LAMA1: variants seen among roughly 807,000 people sequenced by gnomAD.
LAMA1 encodes the protein laminin subunit alpha-1.
LAMA1 carries 219 observed loss-of-function variants against 348.7 expected under a neutral mutation model. The observed-to-expected ratio is 0.63, with a 90% CI of 0.56 to 0.70. LAMA1 has a LOEUF of 0.70. Ranked by LOEUF, LAMA1 falls within the 30% of genes least tolerant of loss-of-function variation. The pLI is 0.00. For synonymous variants in LAMA1, 1,487 were observed against 1,491.0 expected, an observed-to-expected ratio of 1.00 and a Z score of 0.06; for missense variants, 3,744 against 3,888.0, an observed-to-expected ratio of 0.96 and a Z score of 0.99.
chr18:7,090,400 G>A (rs2058234956), intron 1 of LAMA1, among the ~76,000 whole-genome samples: 1 of 152,050 alleles, frequency 6.6e-6, no homozygotes, highest in South Asian at 2.1e-4. Flanking sequence ...TAACACCTGG[G>A]AGTATTTTTT....
In LAMA1 at chr18:6,979,823, C is replaced by CA. The variant is rs373410337; in HGVS notation, c.6007+697_6007+698insT. 3.8e-3 allele frequency among the ~76,000 whole-genome samples: 585 copies of CA among 152,078 alleles called. 3 individuals carry two copies. Among genetic ancestry groups the CA allele is most frequent in the African/African-American group, 0.014 (566 of 41,460 alleles). On this transcript the variant is annotated intron_variant, in intron 42 of 62. Coordinates refer to ENST00000389658, the MANE Select transcript of LAMA1 (RefSeq NM_005559.4). ...CTGAGGCAGGAGAATGGTGTGAACCCGGGGGGCGGAGCTTGCAGTGAGCCA... is the reference window on the plus strand; with the variant it reads ...CTGAGGCAGGAGAATGGTGTGAACCCAGGGGGGCGGAGCTTGCAGTGAGCCA...
rs757619442 is a variant in LAMA1, at chr18:7,011,280, C to T, written c.3687+20G>A. 40 of 1,608,706 alleles carry T rather than the reference C, an allele frequency of 2.5e-5. No individual in the cohort carries two copies. Among genetic ancestry groups the T allele is most frequent in the Non-Finnish European group, 3.1e-5 (36 of 1,178,570 alleles). ...ATCCTAGGAAGCACCGACTGGCTCT[C>T]GGCTGGGCGTGCACCTCACCTGGTC... On this transcript the variant is annotated intron_variant, in intron 25 of 62. Coordinates refer to ENST00000389658, the MANE Select transcript of LAMA1 (RefSeq NM_005559.4).
rs545607128 is a variant in LAMA1 at position 7,012,006 on chromosome 18, C to G, written c.3496G>C (p.Val1166Leu). The G allele has an allele frequency of 6.2e-7, 1 of 1,606,652 alleles. No homozygotes were observed. Among genetic ancestry groups the G allele is most frequent in the East Asian group, 2.2e-5 (1 of 44,778 alleles). ...TGTGTGTGACTTACTGGGGTCCTCA[C>G]GTAGTCCTCCAGCTCTGAGCAGAGG... is the stretch of plus-strand genomic sequence containing the variant. ...SHLCSELEDY[V>L]RTPVTLGSDQ... Residue 1166 changes from valine to leucine, a missense_variant, in exon 24 of 63, where the codon GTG becomes CTG. Val to Leu is a conservative substitution (Grantham distance 32). Coordinates refer to ENST00000389658, the MANE Select transcript of LAMA1 (RefSeq NM_005559.4).
intron 16 of LAMA1, among the ~76,000 whole-genome samples, chr18:7,027,930 G>A (rs1315269333): frequency 6.6e-6 from 1 of 152,126 alleles, no homozygotes; most frequent in East Asian, 1.9e-4. Context: ...GCAACAGAGA[G>A]AGACTCCATC....
intron 1 of LAMA1, among the ~76,000 whole-genome samples, chr18:7,088,234 C>A (rs779069406): frequency 6.6e-6 from 1 of 152,172 alleles, no homozygotes; most frequent in African/African-American, 2.4e-5. Context: ...TTCCTCCCTT[C>A]GTCTCCTCCG....
chr18:7,034,950 C>A (rs1022782474), intron 13 of LAMA1, among the ~76,000 whole-genome samples: 1 of 152,204 alleles, frequency 6.6e-6, no homozygotes, highest in African/African-American at 2.4e-5. Context: ...GAAAGTCGTG[C>A]AGTTGCCCAC....
In LAMA1 at chr18:7,002,398, AT is replaced by A. The variant is rs756520857; in HGVS notation, c.4261-14del. On this transcript the variant is annotated splice_polypyrimidine_tract_variant and intron_variant, in intron 29 of 62. Transcript: ENST00000389658. ...TATCGCCACAGTTCTGGGAGCCCAC[AT>A]TTAAAGGAAGGGGGAAAAAATGGGA... 2.5e-6 allele frequency: 4 copies of A among 1,611,464 alleles called. No homozygotes were observed. Among genetic ancestry groups the A allele is most frequent in the Non-Finnish European group, 1.7e-6 (2 of 1,179,698 alleles).
chr18:7,013,433 G>A (rs1023937672), intron 23 of LAMA1, among the ~76,000 whole-genome samples: 53 of 151,890 alleles, frequency 3.5e-4, no homozygotes, highest in African/African-American at 1.2e-3. Context: ...AATAAACCCC[G>A]ATTTCCTTCA....
chr18:7,076,293 T>A (rs2058168084), intron 3 of LAMA1, among the ~76,000 whole-genome samples: 1 of 152,174 alleles, frequency 6.6e-6, no homozygotes, highest in African/African-American at 2.4e-5. Flanking sequence ...GAAACCTGAC[T>A]TTTAACACCC....
chr18:6,959,600 A>G, intron 53 of LAMA1, 108 bp from the exon 54 acceptor site: 1 of 1,132,394 alleles, frequency 8.8e-7, no homozygotes, highest in Non-Finnish European at 1.3e-6. Context: ...AAGTGAGTAG[A>G]GCAATTCCTT....
At chr18:7,111,947 C>T (rs558663680) in intron 1 of LAMA1, among the ~76,000 whole-genome samples, 21 of 152,122 alleles carry the variant, frequency 1.4e-4, no homozygotes, top group Non-Finnish European at 2.9e-4. Context: ...TTTTCTGTAC[C>T]TGCCATAGTG....
chr18:6,973,494 TA>T, intron 46 of LAMA1, among the ~76,000 whole-genome samples: 1 of 152,274 alleles, frequency 6.6e-6, no homozygotes, highest in Non-Finnish European at 1.5e-5. Flanking sequence ...TTTTGTAAAT[TA>T]AAAAAATCCC....
rs114157531 is a variant in LAMA1 at position 7,090,476 on chromosome 18, G to C, written c.62-10019C>G. 4.8e-3 allele frequency among the ~76,000 whole-genome samples: 736 copies of C among 152,120 alleles called. 13 individuals are homozygous for C. Among genetic ancestry groups the C allele is most frequent in the African/African-American group, 0.017 (704 of 41,498 alleles). ...TTTCAGCTTGATGCAGAAACACTAA[G>C]GGGAGAATAACCCCCTCCTTCAAAA... On this transcript the variant is annotated intron_variant, in intron 1 of 62. Transcript: ENST00000389658.
At chr18:6,986,655 A>G (rs1442306227) in intron 36 of LAMA1, among the ~76,000 whole-genome samples, 1 of 151,770 alleles carries the variant, frequency 6.6e-6, no homozygotes, top group Non-Finnish European at 1.5e-5. Context: ...GTTCCCATAT[A>G]GTTTGCTGAA....
Position 6,959,452 on chromosome 18 carries a change from A to G in LAMA1, c.7667T>C (p.Val2556Ala), listed in dbSNP as rs1368016177. 1 of 1,614,084 alleles carries G rather than the reference A, an allele frequency of 6.2e-7. No individual in the cohort carries two copies. The highest frequency in any genetic ancestry group is 1.3e-5 in the African/African-American group (1 of 74,936). Residue 2556 changes from valine (V) to alanine (A), a missense_variant, in exon 54 of 63, where the codon GTA (valine) becomes GCA (alanine). By Grantham distance (64) the Val-to-Ala change is moderately conservative. This residue lies in a region of LAMA1 where 1,983 missense variants were observed against 1,934.3 expected (regional missense o/e 1.03). Transcript: ENST00000389658. The part of the protein sequence containing the change: ...SVMLIGGNIE[V>A]HVNPGDGTGL... ...TGTCCCATCCCCAGGATTGACATGT[A>G]CCTCAATGTTGCCTCCGATCAGCAT...
chr18:7,080,493 T>C (rs1183087015), intron 1 of LAMA1, 36 bp from the exon 2 acceptor site: 4 of 1,608,410 alleles, frequency 2.5e-6, no homozygotes, highest in Admixed American at 3.4e-5. Context: ...GCTGAGCCAC[T>C]TGAAATCCAA....
intron 1 of LAMA1, among the ~76,000 whole-genome samples, chr18:7,084,034 C>G (rs1448795482): frequency 7.7e-6 from 1 of 130,478 alleles, no homozygotes; most frequent in African/African-American, 2.8e-5. Context: ...GATCACGCCA[C>G]TGCACTCCAG....
At chr18:7,062,769 G>A (rs1312814468) in intron 3 of LAMA1, among the ~76,000 whole-genome samples, 1 of 152,102 alleles carries the variant, frequency 6.6e-6, no homozygotes, top group African/African-American at 2.4e-5. Context: ...TGGCCCCAAA[G>A]CCCACACTTC....
intron 4 of LAMA1, among the ~76,000 whole-genome samples, chr18:7,049,464 TA>T (rs1192167426): frequency 6.6e-6 from 1 of 152,154 alleles, no homozygotes; most frequent in Non-Finnish European, 1.5e-5. Context: ...CACGCCCAGC[TA>T]ATTTTTGTAT....
Sources: gnomAD v4.1 joint callset for allele counts (sites outside exome capture counted in the v4.1 genomes callset) on GRCh38, gnomAD v4.1.1 for gene constraint, gnomAD v4.1.1 regional missense constraint, MANE v1.5 for transcripts, NCBI Gene and HGNC (gene_info 2026-07-23, HGNC 2026-07-21) for gene names.